The following LPGAT1 variants were observed in gnomAD, a reference collection of about 807,000 sequenced individuals.
The protein encoded by LPGAT1 is lysophosphatidylglycerol acyltransferase 1.
LPGAT1 carries 11 observed loss-of-function variants against 47.5 expected under a neutral mutation model. That is an observed-to-expected ratio of 0.23 (90% CI 0.15 to 0.38). The LOEUF (loss-of-function observed/expected upper bound fraction) is 0.38, where lower values mean the gene tolerates loss of function less well. Ranked by LOEUF, LPGAT1 falls within the 10% of genes least tolerant of loss-of-function variation. The pLI, the probability that LPGAT1 is intolerant of heterozygous loss-of-function variation, is 1.00. For synonymous variants in LPGAT1, 138 were observed against 144.2 expected, an observed-to-expected ratio of 0.96 and a Z score of 0.31; for missense variants, 293 against 439.0, an observed-to-expected ratio of 0.67 and a Z score of 2.97.
At chr1:211,811,493 CATGCCTGTAATCCAGCACTTT>C (rs1659985669) in intron 2 of LPGAT1, among the ~76,000 whole-genome samples, 1 of 152,176 alleles carries the variant, frequency 6.6e-6, no homozygotes, top group South Asian at 2.1e-4. Flanking sequence ...CACAGTGGCT[CATGCCTGTAATCCAGCACTTT>C]GGGAGGCCAA....
At chr1:211,776,241 C>G (rs979388445) in intron 6 of LPGAT1, among the ~76,000 whole-genome samples, 2 of 152,076 alleles carry the variant, frequency 1.3e-5, no homozygotes. Flanking sequence ...GTCACATTTC[C>G]CAAGATTACA....
chr1:211,772,155 A>G (rs1462506713), intron 6 of LPGAT1, among the ~76,000 whole-genome samples: 2 of 152,166 alleles, frequency 1.3e-5, no homozygotes, highest in Admixed American at 6.5e-5. Flanking sequence ...TTCCTCCCAT[A>G]TTGTGAATCA....
chr1:211,789,495 A>G (rs753427932), intron 3 of LPGAT1, among the ~76,000 whole-genome samples: 1 of 152,222 alleles, frequency 6.6e-6, no homozygotes. Context: ...AATGTTTATA[A>G]AACATTTAAT....
chr1:211,752,399 C>G (rs1657230509), intron 6 of LPGAT1, among the ~76,000 whole-genome samples: 1 of 151,460 alleles, frequency 6.6e-6, no homozygotes, highest in Non-Finnish European at 1.5e-5. Flanking sequence ...AGAGATGTGA[C>G]CTTGATCTGA....
intron 2 of LPGAT1, among the ~76,000 whole-genome samples, chr1:211,794,545 A>G (rs1659273174): frequency 6.6e-6 from 1 of 152,066 alleles, no homozygotes; most frequent in African/African-American, 2.4e-5. Flanking sequence ...GGCTCAAGCA[A>G]TCCACCGGCT....
chr1:211,756,749 A>C (rs1657472478), intron 6 of LPGAT1, among the ~76,000 whole-genome samples: 1 of 152,182 alleles, frequency 6.6e-6, no homozygotes, highest in South Asian at 2.1e-4. Flanking sequence ...TCTCTTTCAA[A>C]CTAAACATTT....
rs951101656 is a variant in LPGAT1 at position 211,743,776 on chromosome 1, A to G, written c.*6123T>C. The G allele has an allele frequency of 1.3e-5, 2 of 152,214 alleles. No homozygotes were observed. The highest frequency in any genetic ancestry group is 2.9e-5 in the Non-Finnish European group (2 of 68,048). 9.4% of individuals were successfully genotyped at this position (152,214 alleles called of 1,614,324 possible). On this transcript the variant is annotated 3_prime_UTR_variant, in exon 8 of 8. Transcript: ENST00000366997. The stretch of plus-strand genomic sequence containing the variant: ...AGAAAGTAGTTCCAGGGGAAAAAGA[A>G]ATTAGAATCTCACCAAAACAGCAGC...
At chr1:211,753,163 T>G (rs893785597) in intron 6 of LPGAT1, among the ~76,000 whole-genome samples, 1 of 152,202 alleles carries the variant, frequency 6.6e-6, no homozygotes, top group Admixed American at 6.5e-5. Context: ...ATTGTCCTGG[T>G]GAGTCCCTGC....
At chr1:211,751,172 C>T in intron 6 of LPGAT1, 105 bp from the exon 7 acceptor site, 1 of 751,420 alleles carries the variant, frequency 1.3e-6, no homozygotes, top group East Asian at 2.7e-5. Flanking sequence ...GTGTTGTCAT[C>T]TTTTGCTTTA....
chr1:211,771,777 A>T (rs958058859), intron 6 of LPGAT1, among the ~76,000 whole-genome samples: 6 of 152,174 alleles, frequency 3.9e-5, no homozygotes. Context: ...TGCTGGGATT[A>T]CAGGCGTGAG....
intron 6 of LPGAT1, among the ~76,000 whole-genome samples, chr1:211,768,340 AT>A (rs1298094783): frequency 6.6e-6 from 1 of 152,214 alleles, no homozygotes; most frequent in African/African-American, 2.4e-5. Flanking sequence ...TGAATTAGTT[AT>A]TTTTAATTGA....
At chr1:211,805,527 T>C (rs923215609) in intron 2 of LPGAT1, among the ~76,000 whole-genome samples, 3 of 152,204 alleles carry the variant, frequency 2.0e-5, no homozygotes, top group African/African-American at 4.8e-5. Flanking sequence ...TACTATGAAC[T>C]ACTTTAGAAA....
At chr1:211,811,811 C>T (rs1660001236) in intron 2 of LPGAT1, among the ~76,000 whole-genome samples, 1 of 81,812 alleles carries the variant, frequency 1.2e-5, no homozygotes, top group Admixed American at 1.0e-4. Context: ...CTCTGCCATC[C>T]CGCCACTGCA....
intron 6 of LPGAT1, among the ~76,000 whole-genome samples, chr1:211,762,319 T>G (rs1247935033): frequency 6.6e-6 from 1 of 152,200 alleles, no homozygotes; most frequent in Admixed American, 6.5e-5. Context: ...TGGTGAAGTA[T>G]CTATTGCTTC....
At chr1:211,812,047 G>A (rs1481993762) in intron 2 of LPGAT1, among the ~76,000 whole-genome samples, 2 of 152,234 alleles carry the variant, frequency 1.3e-5, no homozygotes, top group South Asian at 4.2e-4. Context: ...CACTTCCCTT[G>A]ACAGGATTGT....
At chr1:211,751,648 T>C (rs1417670744) in intron 6 of LPGAT1, among the ~76,000 whole-genome samples, 4 of 152,098 alleles carry the variant, frequency 2.6e-5, no homozygotes, top group African/African-American at 4.8e-5. Context: ...GGAAACACGA[T>C]TGTGATTAGT....
intron 6 of LPGAT1, among the ~76,000 whole-genome samples, chr1:211,754,744 G>A (rs1032554942): frequency 3.3e-5 from 5 of 152,106 alleles, no homozygotes; most frequent in South Asian, 4.1e-4. Context: ...GGCCAGGTGC[G>A]GTGGCTCACA....
intron 4 of LPGAT1, 38 bp from the exon 5 acceptor site, chr1:211,783,540 T>C (rs751303349): frequency 1.3e-6 from 2 of 1,523,190 alleles, no homozygotes; most frequent in Non-Finnish European, 1.8e-6. Flanking sequence ...TACAGGTATA[T>C]CCAAAATTAA....
At position 211,746,970 on chromosome 1, in the gene LPGAT1, G is replaced by A. The variant is rs770587490; in HGVS notation, c.*2929C>T. 1.3e-5 allele frequency: 2 copies of A among 152,208 alleles called. No homozygotes were observed. The highest frequency in any genetic ancestry group is 2.9e-5 in the Non-Finnish European group (2 of 68,040). The allele number at this position is 152,208 out of a possible 1,614,324, so 9.4% of individuals were successfully genotyped here. On this transcript the variant is annotated 3_prime_UTR_variant, in exon 8 of 8. Transcript: ENST00000366997. ...CAGCAATGGATTCTCAACCTTGTCT[G>A]CTGTGGGAATCTAGGCAGTCTAGCC...
Sources: gnomAD v4.1 joint callset for allele counts (sites outside exome capture counted in the v4.1 genomes callset) on GRCh38, gnomAD v4.1.1 for gene constraint, MANE v1.5 for transcripts, NCBI Gene and HGNC (gene_info 2026-07-23, HGNC 2026-07-21) for gene names.